NBEAL2: variants seen among roughly 807,000 people sequenced by gnomAD.
The protein encoded by NBEAL2 is neurobeachin-like protein 2.
Under a neutral mutation model 299.8 loss-of-function variants are expected in NBEAL2, and 160 were observed. The observed-to-expected ratio is 0.53, with a 90% confidence interval of 0.47 to 0.61. The LOEUF (loss-of-function observed/expected upper bound fraction) is 0.61. Ranked by LOEUF, NBEAL2 falls within the 20% of genes least tolerant of loss-of-function variation. The pLI is 0.00. For synonymous variants in NBEAL2, 1,493 were observed against 1,542.3 expected, an observed-to-expected ratio of 0.97 and a Z score of 0.75; for missense variants, 3,112 against 3,649.0, an observed-to-expected ratio of 0.85 and a Z score of 3.79.
chr3:47,002,883 T>C (rs896746092), intron 33 of NBEAL2, 74 bp from the exon 34 acceptor site: 3 of 1,581,240 alleles, frequency 1.9e-6, no homozygotes, highest in Admixed American at 1.7e-5. Flanking sequence ...CAGACTGCCT[T>C]TGGGGTGAGG....
intron 21 of NBEAL2, 68 bp downstream of exon 21, chr3:46,998,294 C>T: frequency 6.4e-7 from 1 of 1,559,660 alleles, no homozygotes; most frequent in Non-Finnish European, 8.7e-7. Context: ...TAGAACTCTG[C>T]TCTGGGGGAT....
Position 46,998,142 on chromosome 3 carries a change from A to G in NBEAL2, c.3034A>G (p.Ser1012Gly). 2 of 1,598,922 alleles carry G rather than the reference A, an allele frequency of 1.3e-6. No homozygotes were observed. The highest frequency in any genetic ancestry group is 1.7e-6 in the Non-Finnish European group (2 of 1,172,840). ...LLMEQVAAEGSGPLLYLLYQH... is the reference protein window; with the variant it reads ...LLMEQVAAEGGGPLLYLLYQH... Reference sequence around the variant, plus strand: ...GATGGAGCAGGTGGCAGCTGAGGGCAGCGGGCCCCTCCTGTACCTACTCTA... The same window carrying G: ...GATGGAGCAGGTGGCAGCTGAGGGCGGCGGGCCCCTCCTGTACCTACTCTA... The change falls in exon 21 of 54, where the codon AGC becomes GGC. Residue 1012 changes from serine (S) to glycine (G), a missense_variant. Coordinates refer to ENST00000450053, the MANE Select transcript of NBEAL2 (RefSeq NM_015175.3).
Position 47,004,490 on chromosome 3 carries a change from C to A in NBEAL2, c.6199-5C>A, listed in dbSNP as rs762658810. The stretch of plus-strand genomic sequence containing the variant: ...GGCTCACATCTTGTCTGCCCCTGTC[C>A]CCAGAAATGGGTACAGCGTGAGATA... On this transcript the variant is annotated splice_polypyrimidine_tract_variant and splice_region_variant and intron_variant, in intron 37 of 53. Coordinates refer to ENST00000450053, the MANE Select transcript of NBEAL2 (RefSeq NM_015175.3). The surrounding 1 kb of genome is among the most constrained non-coding windows in gnomAD (Gnocchi z 5.0). The A allele has an allele frequency of 5.0e-6, 8 of 1,613,340 alleles. No individual in the cohort carries two copies. In the East Asian group the frequency reaches 1.8e-4, roughly 36 times the overall value.
Position 47,008,969 on chromosome 3 carries a change from A to C in NBEAL2, c.8028-20A>C. On this transcript the variant is annotated intron_variant, in intron 52 of 53. Transcript: ENST00000450053. ...CCCCCTTGCAGTCGCAAGTTGGTGT[A>C]TATCCCCTCTCCCTTCCAGACTGCT... 6.3e-7 allele frequency: 1 copy of C among 1,598,560 alleles called. No homozygotes were observed. The highest frequency in any genetic ancestry group is 8.5e-7 in the Non-Finnish European group (1 of 1,179,794).
intron 52 of NBEAL2, 26 bp downstream of exon 52, chr3:47,008,694 G>A: frequency 2.5e-6 from 4 of 1,611,934 alleles, no homozygotes; most frequent in Non-Finnish European, 3.4e-6. Flanking sequence ...ATGGGTTCAT[G>A]GCCCCTGAAG....
At position 47,009,322 on chromosome 3, in the gene NBEAL2, C is replaced by A; in HGVS notation, c.*2C>A. On this transcript the variant is annotated 3_prime_UTR_variant, in exon 54 of 54. Coordinates refer to ENST00000450053, the MANE Select transcript of NBEAL2 (RefSeq NM_015175.3). ...TACAACCCTACTGAGGCGCGCTGAA[C>A]CTGGCCAGTCCGGCTGCTCGGGCCC... 2 of 1,583,216 alleles carry A rather than the reference C, an allele frequency of 1.3e-6. No homozygotes were observed. The highest frequency in any genetic ancestry group is 1.7e-6 in the Non-Finnish European group (2 of 1,165,056).
Position 46,995,448 on chromosome 3 carries a change from C to T in NBEAL2, c.1713C>T (p.His571=). The change falls in exon 13 of 54, where the codon CAC becomes CAT. Residue 571 remains histidine (H), a synonymous_variant. Coordinates refer to ENST00000450053, the MANE Select transcript of NBEAL2 (RefSeq NM_015175.3). ...GCACATTATCAGGCATGGCCAGGCACCAGGGTCCTGCACGTGCTCTGCGCT... is the reference window on the plus strand; with the variant it reads ...GCACATTATCAGGCATGGCCAGGCATCAGGGTCCTGCACGTGCTCTGCGCT... ...VIRTLSGMAR[H]QGPARALRYF... 5.0e-6 allele frequency: 8 copies of T among 1,612,870 alleles called. No homozygotes were observed. Among genetic ancestry groups the T allele is most frequent in the Non-Finnish European group, 6.8e-6 (8 of 1,179,898 alleles).
rs2036724024 is a variant in NBEAL2 at position 46,998,883 on chromosome 3, G to C, written c.3384+4G>C. The stretch of plus-strand genomic sequence containing the variant: ...GGCCACAGGCGATGACGGTCAGGTA[G>C]GCTGGAGGTTGGGGAGCGGGAGGCT... On this transcript the variant is annotated splice_donor_region_variant and intron_variant, in intron 23 of 53. Coordinates refer to ENST00000450053, the MANE Select transcript of NBEAL2 (RefSeq NM_015175.3). 6.3e-7 allele frequency: 1 copy of C among 1,594,392 alleles called. No homozygotes were observed. Among genetic ancestry groups the C allele is most frequent in the African/African-American group, 1.3e-5 (1 of 74,752 alleles).
rs763842878 is a variant in NBEAL2, at chr3:47,001,278, G to T, written c.4485-1G>T. On this transcript the variant is annotated splice_acceptor_variant, in intron 28 of 53. Transcript: ENST00000450053. LOFTEE classifies it high-confidence loss of function. The surrounding 1 kb of genome is among the most constrained non-coding windows in gnomAD (Gnocchi z 6.1). The stretch of plus-strand genomic sequence containing the variant: ...CCTTGAGTTCCCCACTCACCCGCCA[G>T]CCTCCTGGAGATGATGCTGGAGTCA... The T allele has an allele frequency of 1.1e-5, 18 of 1,603,406 alleles. No homozygotes were observed. The highest frequency in any genetic ancestry group is 3.4e-6 in the Non-Finnish European group (4 of 1,171,746).
chr3:47,001,717 A>T lies in NBEAL2; in HGVS notation c.4673A>T (p.Asp1558Val), dbSNP rs2037008437. ...TTTGAAGGTGTATGCAGCCTACTTG[A>T]TCGCCTGGGAGCCTGGCCCCACCTG... Reference protein sequence around the residue: ...KLFEGVCSLLDRLGAWPHLAN... With the variant: ...KLFEGVCSLLVRLGAWPHLAN... Residue 1558 changes from aspartate (D) to valine (V), a missense_variant, in exon 30 of 54, where the codon GAT becomes GTT. Around this residue, in one of 3 missense-constraint regions of NBEAL2, gnomAD observed 2,243 missense variants for 2,538.1 expected, o/e 0.88. Coordinates refer to ENST00000450053, the MANE Select transcript of NBEAL2 (RefSeq NM_015175.3). This position sits in a 1 kb window ranked among gnomAD's most constrained non-coding sequence, Gnocchi z 6.1. The T allele has an allele frequency of 6.2e-7, 1 of 1,613,658 alleles. No individual in the cohort carries two copies. Among genetic ancestry groups the T allele is most frequent in the South Asian group, 1.1e-5 (1 of 91,088 alleles).
rs568018331 is a variant in NBEAL2, at chr3:46,991,420, G to A, written c.657G>A (p.Met219Ile). 6.2e-7 allele frequency: 1 copy of A among 1,606,790 alleles called. No homozygotes were observed. The highest frequency in any genetic ancestry group is 2.2e-5 in the East Asian group (1 of 44,668). Residue 219 changes from methionine to isoleucine, a missense_variant, in exon 8 of 54, where the codon ATG becomes ATA. Met to Ile is a conservative substitution (Grantham distance 10, BLOSUM62 1). This residue lies in a region of NBEAL2 where 2,243 missense variants were observed against 2,538.1 expected (regional missense o/e 0.88). Transcript: ENST00000450053. The surrounding 1 kb of genome is among the most constrained non-coding windows in gnomAD (Gnocchi z 6.2). ...VLAGGKENGQ[M>I]AVSDGSVKGL... is the part of the protein sequence containing the mutation. ...CACACCTGCAGGAGAACGGGCAGAT[G>A]GCTGTAAGTGATGGCTCTGTGAAGG...
intron 52 of NBEAL2, among the ~76,000 whole-genome samples, 158 bp from the exon 53 acceptor site, chr3:47,008,831 C>T (rs1273207136): frequency 6.6e-6 from 1 of 152,202 alleles, no homozygotes. Context: ...CCTGGGCCTC[C>T]GCTTAGCCAC....
intron 53 of NBEAL2, 44 bp from the exon 54 acceptor site, chr3:47,009,175 C>T (rs1575634308): frequency 6.4e-7 from 1 of 1,554,900 alleles, no homozygotes; most frequent in East Asian, 2.4e-5. Flanking sequence ...CGGGGCGTGG[C>T]GCGGCGATCC....
rs1318444795 is a variant in NBEAL2, at chr3:47,000,319, C to T, written c.4220C>T (p.Ser1407Phe). ...PFPAAPGRHS[S>F]SLSNVLEDGS... The stretch of plus-strand genomic sequence containing the variant: ...CCTGCTGCTCCTGGCCGCCACAGCT[C>T]CAGTCTCTCCAATGTGCTGGAGGAC... The change falls in exon 27 of 54, where the codon TCC becomes TTC. Residue 1407 changes from serine to phenylalanine, a missense_variant. Physicochemically the swap from Ser to Phe is radical, Grantham distance 155. Coordinates refer to ENST00000450053, the MANE Select transcript of NBEAL2 (RefSeq NM_015175.3). This position sits in a 1 kb window ranked among gnomAD's most constrained non-coding sequence, Gnocchi z 4.5. 1 of 1,611,378 alleles carries T rather than the reference C, an allele frequency of 6.2e-7. No homozygotes were observed. The highest frequency in any genetic ancestry group is 1.3e-5 in the African/African-American group (1 of 74,884).
chr3:47,002,322 G>A (rs1273483383), intron 31 of NBEAL2, 34 bp downstream of exon 31: 2 of 1,597,200 alleles, frequency 1.3e-6, no homozygotes, highest in African/African-American at 2.7e-5. Flanking sequence ...AAGAGGAGTG[G>A]GGGCTGGGGC....
At chr3:46,984,566 C>T (rs921983145) in intron 1 of NBEAL2, among the ~76,000 whole-genome samples, 2 of 152,228 alleles carry the variant, frequency 1.3e-5, no homozygotes, top group African/African-American at 2.4e-5. Flanking sequence ...CCAGAAGTCA[C>T]GTTTAGCTTG....
At chr3:46,983,084 G>C (rs1177003557) in intron 1 of NBEAL2, among the ~76,000 whole-genome samples, 2 of 152,166 alleles carry the variant, frequency 1.3e-5, no homozygotes, top group Non-Finnish European at 2.9e-5. Flanking sequence ...GGGTCACAAA[G>C]TTCAGGGCAG....
intron 1 of NBEAL2, among the ~76,000 whole-genome samples, chr3:46,983,164 G>C (rs763106856): frequency 1.3e-5 from 2 of 152,048 alleles, no homozygotes; most frequent in African/African-American, 2.4e-5. Context: ...GCCTCAGAAG[G>C]GTTCAGGGAG....
At position 47,000,108 on chromosome 3, in the gene NBEAL2, G is replaced by T. The variant is rs1457837643; in HGVS notation, c.4009G>T (p.Ala1337Ser). 3.1e-6 allele frequency: 5 copies of T among 1,613,640 alleles called. No homozygotes were observed. The highest frequency in any genetic ancestry group is 3.3e-5 in the Admixed American group (2 of 60,012). ...TTCAGATGTCTTCCTGCCCTCAGAG[G>T]CCCCCTGCCCTGACCCTGATGGCTT... ...EPSDVFLPSE[A>S]PCPDPDGFYH... Residue 1337 changes from alanine to serine, a missense_variant, in exon 27 of 54, where the codon GCC becomes TCC. Transcript: ENST00000450053. The surrounding 1 kb of genome is among the most constrained non-coding windows in gnomAD (Gnocchi z 4.5).
Sources: gnomAD v4.1 joint callset for allele counts (sites outside exome capture counted in the v4.1 genomes callset) on GRCh38, gnomAD v4.1.1 for gene constraint, gnomAD v4.1.1 regional missense constraint, Gnocchi (gnomAD v3.1) non-coding constraint, MANE v1.5 for transcripts, NCBI Gene and HGNC (gene_info 2026-07-23, HGNC 2026-07-21) for gene names.